The following SGCZ variants were observed in gnomAD, a reference collection of about 807,000 sequenced individuals.
The protein encoded by SGCZ is sarcoglycan zeta.
SGCZ carries 40 observed loss-of-function variants against 41.3 expected under a neutral mutation model. That is an observed-to-expected ratio of 0.97 (90% confidence interval 0.75 to 1.26). The LOEUF is 1.26. Ranked by LOEUF, SGCZ falls within the 50% of genes most tolerant of loss-of-function variation. The pLI, the probability that SGCZ is intolerant of heterozygous loss-of-function variation, is 0.00. For synonymous variants in SGCZ, 206 were observed against 137.5 expected, an observed-to-expected ratio of 1.50 and a Z score of -3.49; for missense variants, 552 against 369.8, an observed-to-expected ratio of 1.49 and a Z score of -4.04.
intron 1 of SGCZ, among the ~76,000 whole-genome samples, chr8:14,811,478 G>GACTTGCCT (rs1346244913): frequency 7.7e-6 from 1 of 130,450 alleles, no homozygotes; most frequent in Non-Finnish European, 1.6e-5. Flanking sequence ...GATACTAAGT[G>GACTTGCCT]ACTTGCCTAC....
At chr8:14,952,517 T>G (rs970682407) in intron 1 of SGCZ, among the ~76,000 whole-genome samples, 1 of 152,178 alleles carries the variant, frequency 6.6e-6, no homozygotes. Flanking sequence ...TAACCTTTGT[T>G]CGATAATGTT....
chr8:15,204,025 T>C (rs1282515615), intron 1 of SGCZ, among the ~76,000 whole-genome samples: 1 of 152,216 alleles, frequency 6.6e-6, no homozygotes, highest in Non-Finnish European at 1.5e-5. Context: ...ACTTATCACA[T>C]ATGAAATAAG....
chr8:14,803,043 C>A (rs1440822351), intron 1 of SGCZ, among the ~76,000 whole-genome samples: 1 of 152,138 alleles, frequency 6.6e-6, no homozygotes, highest in Non-Finnish European at 1.5e-5. Flanking sequence ...ATCAATCTGA[C>A]CTTTTAAATT....
chr8:14,738,504 C>G (rs1467074185), intron 1 of SGCZ, among the ~76,000 whole-genome samples: 1 of 151,968 alleles, frequency 6.6e-6, no homozygotes, highest in Admixed American at 6.6e-5. Flanking sequence ...AACTAATAAC[C>G]CTTTCTCAGT....
chr8:14,814,158 A>G (rs1201320748), intron 1 of SGCZ, among the ~76,000 whole-genome samples: 1 of 152,198 alleles, frequency 6.6e-6, no homozygotes, highest in Non-Finnish European at 1.5e-5. Context: ...GAAATAATTA[A>G]TAAGTTACAG....
At chr8:15,036,377 GGAGTA>G (rs1387828587) in intron 1 of SGCZ, among the ~76,000 whole-genome samples, 1 of 151,998 alleles carries the variant, frequency 6.6e-6, no homozygotes, top group Non-Finnish European at 1.5e-5. Context: ...CACACAGAGG[GGAGTA>G]ACACACAGTG....
At chr8:14,413,249 T>C (rs984710021) in intron 2 of SGCZ, among the ~76,000 whole-genome samples, 3 of 152,056 alleles carry the variant, frequency 2.0e-5, no homozygotes, top group Admixed American at 2.0e-4. Flanking sequence ...AATGTTGTAA[T>C]TATTCAATCG....
At chr8:14,942,174 A>G (rs1800298234) in intron 1 of SGCZ, among the ~76,000 whole-genome samples, 1 of 152,076 alleles carries the variant, frequency 6.6e-6, no homozygotes, top group African/African-American at 2.4e-5. Flanking sequence ...TTGAGAGTAT[A>G]TAAACCTAAC....
At chr8:14,321,031 A>G (rs1175794274) in intron 3 of SGCZ, among the ~76,000 whole-genome samples, 1 of 152,064 alleles carries the variant, frequency 6.6e-6, no homozygotes, top group East Asian at 1.9e-4. Flanking sequence ...TAAATTCCCG[A>G]TATTTGAAAT....
At chr8:14,944,484 A>G (rs888424720) in intron 1 of SGCZ, among the ~76,000 whole-genome samples, 3 of 152,160 alleles carry the variant, frequency 2.0e-5, no homozygotes, top group Non-Finnish European at 4.4e-5. Context: ...TTGTGGATTC[A>G]TTACCCTGAA....
intron 1 of SGCZ, among the ~76,000 whole-genome samples, chr8:14,768,594 C>G (rs1800119443): frequency 6.6e-6 from 1 of 152,184 alleles, no homozygotes. Context: ...TCCATGGCCT[C>G]ATGGGCCTGC....
chr8:14,384,008 G>A (rs1413996159), intron 2 of SGCZ, among the ~76,000 whole-genome samples: 5 of 149,780 alleles, frequency 3.3e-5, no homozygotes, highest in Non-Finnish European at 5.9e-5. Context: ...TAGGGTACAT[G>A]TGCACAACAT....
chr8:14,711,598 T>TAAAA (rs200467876), intron 1 of SGCZ, among the ~76,000 whole-genome samples: 4 of 80,288 alleles, frequency 5.0e-5, no homozygotes, highest in South Asian at 5.0e-4. Context: ...TGAGACTCTG[T>TAAAA]AAAAAAAAAA....
chr8:14,982,330 T>G (rs545367765), intron 1 of SGCZ, among the ~76,000 whole-genome samples: 137 of 152,332 alleles, frequency 9.0e-4, no homozygotes, highest in African/African-American at 3.3e-3. Context: ...CCAAGCCAGA[T>G]TTCAATACTT....
At chr8:15,085,851 A>G (rs568121663) in intron 1 of SGCZ, among the ~76,000 whole-genome samples, 1 of 152,036 alleles carries the variant, frequency 6.6e-6, no homozygotes, top group African/African-American at 2.4e-5. Context: ...TTGTCTGCAT[A>G]CCCCTGTGGA....
chr8:14,496,298 G>T (rs763721416), intron 2 of SGCZ, among the ~76,000 whole-genome samples: 5 of 152,138 alleles, frequency 3.3e-5, no homozygotes, highest in African/African-American at 1.2e-4. Flanking sequence ...GGAATTCTTG[G>T]CTTCTTGTAT....
In SGCZ at chr8:14,090,567, C is replaced by G. The variant is rs377448428; in HGVS notation, c.815G>C (p.Ser272Thr). The G allele has an allele frequency of 1.9e-6, 3 of 1,612,958 alleles. No homozygotes were observed. The highest frequency in any genetic ancestry group is 2.5e-6 in the Non-Finnish European group (3 of 1,179,432). The change falls in exon 8 of 8, where the codon AGC (serine) becomes ACC (threonine). Residue 272 changes from serine (S) to threonine (T), a missense_variant. Physicochemically the swap from Ser to Thr is moderately conservative, Grantham distance 58. Coordinates refer to ENST00000382080, the MANE Select transcript of SGCZ (RefSeq NM_139167.4). ...CACTGTCTGTCGAGAACTTGAGGAG[C>G]TGGGTGAAGAAGATGAGAAGGAGCC... ...PTGSFSSSSP[S>T]SSSSRQTVYE...
intron 3 of SGCZ, among the ~76,000 whole-genome samples, chr8:14,244,875 C>A (rs935388308): frequency 6.6e-6 from 1 of 152,058 alleles, no homozygotes; most frequent in African/African-American, 2.4e-5. Context: ...GGAGTTGACT[C>A]ATGATTTGGC....
At chr8:14,308,382 T>A (rs955167697) in intron 3 of SGCZ, among the ~76,000 whole-genome samples, 2 of 152,086 alleles carry the variant, frequency 1.3e-5, no homozygotes, top group African/African-American at 4.8e-5. Context: ...GATAGAGAAC[T>A]ATCTGCAGTA....
Sources: allele counts gnomAD v4.1 joint callset (sites outside exome capture counted in the v4.1 genomes callset), GRCh38; gene constraint gnomAD v4.1.1; transcripts MANE v1.5; gene names NCBI Gene and HGNC (gene_info 2026-07-23, HGNC 2026-07-21).